Variants in SLC8A1 observed in about 807,000 individuals in gnomAD.
The protein encoded by SLC8A1 is solute carrier family 8 member A1.
SLC8A1 carries 18 observed loss-of-function variants against 68.3 expected under a neutral mutation model. The observed-to-expected ratio is 0.26, with a 90% CI of 0.18 to 0.39. The LOEUF is 0.39. Ranked by LOEUF, SLC8A1 falls within the 10% of genes least tolerant of loss-of-function variation. The pLI, the probability that SLC8A1 is intolerant of heterozygous loss-of-function variation, is 1.00. For synonymous variants in SLC8A1, 475 were observed against 415.5 expected (o/e 1.14, Z -1.74); for missense variants, 985 against 1,156.7 (o/e 0.85, Z 2.15).
chr2:40,234,455 C>A (rs914158929), intron 2 of SLC8A1, among the ~76,000 whole-genome samples: 2 of 152,028 alleles, frequency 1.3e-5, no homozygotes, highest in Non-Finnish European at 2.9e-5. Flanking sequence ...ATTTTGTATC[C>A]TGAGACTTTG....
At chr2:40,373,712 T>A (rs1380435591) in intron 2 of SLC8A1, among the ~76,000 whole-genome samples, 1 of 152,036 alleles carries the variant, frequency 6.6e-6, no homozygotes, top group Non-Finnish European at 1.5e-5. Flanking sequence ...GAATTCCCAC[T>A]TTTTCCTTCC....
chr2:40,332,146 G>T (rs560893968), intron 2 of SLC8A1, among the ~76,000 whole-genome samples: 18 of 152,130 alleles, frequency 1.2e-4, no homozygotes, highest in Admixed American at 7.2e-4. Flanking sequence ...TTACTAAAAG[G>T]CTTGTGTAGT....
At chr2:40,224,567 C>T (rs2058739010) in intron 2 of SLC8A1, among the ~76,000 whole-genome samples, 1 of 152,054 alleles carries the variant, frequency 6.6e-6, no homozygotes, top group African/African-American at 2.4e-5. Flanking sequence ...GCTCCATCAT[C>T]CACGGAAATG....
chr2:40,101,411 A>G (rs929653540), exon 8 of SLC8A1: 11 of 152,138 alleles, frequency 7.2e-5, no homozygotes, highest in African/African-American at 2.7e-4. Context: ...ATTAAGACAA[A>G]TCAGCCAGAG....
chr2:40,177,383 G>T (rs1000054549), intron 3 of SLC8A1, among the ~76,000 whole-genome samples: 1 of 151,858 alleles, frequency 6.6e-6, no homozygotes, highest in Admixed American at 6.6e-5. Context: ...GATTGATGAG[G>T]TATTAAGTCG....
intron 2 of SLC8A1, among the ~76,000 whole-genome samples, chr2:40,396,817 A>C (rs1432937298): frequency 6.6e-6 from 1 of 150,676 alleles, no homozygotes; most frequent in Non-Finnish European, 1.5e-5. Context: ...GAGAAACTGT[A>C]GTTGCTGTAT....
intron 2 of SLC8A1, among the ~76,000 whole-genome samples, chr2:40,335,147 T>C (rs1387903781): frequency 6.6e-6 from 1 of 152,244 alleles, no homozygotes; most frequent in Non-Finnish European, 1.5e-5. Context: ...GATATGGATA[T>C]GATATAGATA....
intron 1 of SLC8A1, among the ~76,000 whole-genome samples, chr2:40,481,648 G>A (rs1398510180): frequency 6.6e-6 from 1 of 152,116 alleles, no homozygotes; most frequent in Non-Finnish European, 1.5e-5. Context: ...TTGTGAGTAG[G>A]GGGAGAAAGT....
intron 2 of SLC8A1, among the ~76,000 whole-genome samples, chr2:40,194,121 C>T (rs1318282056): frequency 6.6e-6 from 1 of 152,030 alleles, no homozygotes; most frequent in African/African-American, 2.4e-5. Flanking sequence ...ACCTGATTTT[C>T]ATGAAAAGAA....
At chr2:40,129,678 A>C (rs1412423930) in intron 7 of SLC8A1, among the ~76,000 whole-genome samples, 1 of 152,178 alleles carries the variant, frequency 6.6e-6, no homozygotes, top group Non-Finnish European at 1.5e-5. Context: ...CCTGAGCCTC[A>C]AAAGAAAGGG....
chr2:40,302,607 T>C (rs1168291192), intron 2 of SLC8A1, among the ~76,000 whole-genome samples: 1 of 149,934 alleles, frequency 6.7e-6, no homozygotes, highest in Non-Finnish European at 1.5e-5. Context: ...ATGATATATA[T>C]ATATATAAAA....
chr2:40,153,247 A>C (rs1373375686), intron 6 of SLC8A1, among the ~76,000 whole-genome samples: 1 of 152,168 alleles, frequency 6.6e-6, no homozygotes, highest in East Asian at 1.9e-4. Flanking sequence ...GGTCTTTAAG[A>C]GACCCTTTAG....
Position 40,383,394 on chromosome 2 carries a change from T to G in SLC8A1, c.1808+45079A>C, listed in dbSNP as rs192106820. On this transcript the variant is annotated intron_variant, in intron 2 of 7. Coordinates refer to ENST00000406785, the Ensembl canonical transcript of SLC8A1. ...CCTTCGCCATGTTTATAAGAAACAT[T>G]TGACACAGGAACCATCCCAAAGACA... 1.8e-4 allele frequency among the ~76,000 whole-genome samples: 28 copies of G among 152,208 alleles called. No homozygotes were observed. The East Asian group carries it at 2.1e-3, about 12-fold the overall frequency.
intron 2 of SLC8A1, among the ~76,000 whole-genome samples, chr2:40,215,207 T>C (rs1287337617): frequency 6.6e-6 from 1 of 152,120 alleles, no homozygotes; most frequent in Admixed American, 6.5e-5. Flanking sequence ...TTACTCTGTC[T>C]CAGGCTGGGG....
rs147041521 is a variant in SLC8A1, at chr2:40,424,156, TTTC to T, written c.1808+4314_1808+4316del. Among the ~76,000 whole-genome samples the T allele has an allele frequency of 4.3e-3, 653 of 152,036 alleles. 9 individuals carry two copies. The highest frequency in any genetic ancestry group is 0.014 in the African/African-American group (596 of 41,554). On this transcript the variant is annotated intron_variant, in intron 2 of 7. Coordinates refer to ENST00000406785, the Ensembl canonical transcript of SLC8A1. ...CAGAAATTAGTATGTGCTAACAGCC[TTTC>T]TTGTCTTGTGATATTTTTTCTAATA...
intron 1 of SLC8A1, among the ~76,000 whole-genome samples, chr2:40,432,401 T>TGTGTGTGTGTGTGTGTGTGTGTG (rs1553607883): frequency 1.6e-5 from 2 of 128,736 alleles, no homozygotes; most frequent in Non-Finnish European, 3.2e-5. Context: ...GAGTGTGAGA[T>TGTGTGTGTGTGTGTGTGTGTGTG]TGTGTGTGTG....
At chr2:40,384,448 A>G (rs1384939554) in intron 2 of SLC8A1, among the ~76,000 whole-genome samples, 1 of 152,088 alleles carries the variant, frequency 6.6e-6, no homozygotes, top group African/African-American at 2.4e-5. Context: ...TCATGGGTAT[A>G]GAAGGCAACA....
intron 1 of SLC8A1, among the ~76,000 whole-genome samples, chr2:40,488,120 G>A (rs1358674276): frequency 4.6e-5 from 7 of 151,430 alleles, no homozygotes; most frequent in Admixed American, 4.6e-4. Context: ...AAGGTGGATA[G>A]ACAGAATACT....
intron 1 of SLC8A1, among the ~76,000 whole-genome samples, chr2:40,450,648 T>C (rs535262916): frequency 1.3e-5 from 2 of 152,326 alleles, no homozygotes; most frequent in East Asian, 3.9e-4. Flanking sequence ...CTCCCACTGA[T>C]ATCCTTTTTT....
Sources: allele counts gnomAD v4.1 joint callset (sites outside exome capture counted in the v4.1 genomes callset), GRCh38; gene constraint gnomAD v4.1.1; transcripts MANE v1.5; gene names NCBI Gene and HGNC (gene_info 2026-07-23, HGNC 2026-07-21).